CDK15: variants seen among roughly 807,000 people sequenced by gnomAD.
CDK15 encodes cyclin dependent kinase 15.
In CDK15, 62 loss-of-function variants were observed where a neutral mutation model predicts 60.3. The observed-to-expected ratio is 1.03, with a 90% confidence interval of 0.84 to 1.27. The LOEUF is 1.27. Among genes scored for constraint, CDK15 ranks in the 50% most tolerant of loss-of-function variants. CDK15 has a pLI of 0.00. For synonymous variants in CDK15, 194 were observed against 195.7 expected, an observed-to-expected ratio of 0.99 and a Z score of 0.07; for missense variants, 541 against 527.8, an observed-to-expected ratio of 1.03 and a Z score of -0.25.
At chr2:201,863,675 C>A (rs1698492102) in intron 10 of CDK15, among the ~76,000 whole-genome samples, 1 of 152,140 alleles carries the variant, frequency 6.6e-6, no homozygotes, top group African/African-American at 2.4e-5. Context: ...GCGGGTGGTT[C>A]ACTTGAGATC....
chr2:201,882,596 G>A lies in CDK15; in HGVS notation c.1198+2429G>A, dbSNP rs772056718. On this transcript the variant is annotated intron_variant, in intron 12 of 13. Coordinates refer to ENST00000652192, the MANE Select transcript of CDK15 (RefSeq NM_001366386.2). This position sits in a 1 kb window ranked among gnomAD's most constrained non-coding sequence, Gnocchi z 4.0. ...CCCCGAGGGAGAAGATGAAAGCGCCGGTGCCAAGAGACAGGGAAAGGCGGG... is the reference window on the plus strand; with the variant it reads ...CCCCGAGGGAGAAGATGAAAGCGCCAGTGCCAAGAGACAGGGAAAGGCGGG... 6.0e-5 allele frequency among the ~76,000 whole-genome samples: 9 copies of A among 150,950 alleles called. No homozygotes were observed. Among genetic ancestry groups the A allele is most frequent in the South Asian group, 4.2e-4 (2 of 4,738 alleles).
At chr2:201,862,320 T>A (rs747407383) in intron 10 of CDK15, among the ~76,000 whole-genome samples, 1 of 152,196 alleles carries the variant, frequency 6.6e-6, no homozygotes, top group Non-Finnish European at 1.5e-5. Flanking sequence ...CATGGTATAG[T>A]GGAAAGAGTG....
Position 201,890,643 on chromosome 2 carries a change from G to C in CDK15, c.1199-142G>C, listed in dbSNP as rs1025620878. Reference sequence around the variant, plus strand: ...GGATTCAGTAAAGTGAGTCATCTATGAGTCAGTATGAATTATTAGTAAATA... The same window carrying C: ...GGATTCAGTAAAGTGAGTCATCTATCAGTCAGTATGAATTATTAGTAAATA... On this transcript the variant is annotated intron_variant, in intron 12 of 13. Transcript: ENST00000652192. The C allele has an allele frequency of 3.2e-5, 19 of 590,868 alleles. No homozygotes were observed. The African/African-American group carries it at 3.5e-4, about 11-fold the overall frequency. The allele number at this position is 590,868 out of a possible 1,614,324, so 36.6% of individuals were successfully genotyped here.
At chr2:201,851,416 G>T (rs1029270880) in intron 9 of CDK15, among the ~76,000 whole-genome samples, 1 of 151,794 alleles carries the variant, frequency 6.6e-6, no homozygotes, top group African/African-American at 2.4e-5. Context: ...CCAAGTTAGT[G>T]CCTTGTCGCT....
intron 5 of CDK15, among the ~76,000 whole-genome samples, chr2:201,823,169 G>A (rs937474896): frequency 6.6e-6 from 1 of 151,894 alleles, no homozygotes; most frequent in Admixed American, 6.6e-5. Context: ...TAAAACTTTT[G>A]CACTTATTTT....
intron 10 of CDK15, among the ~76,000 whole-genome samples, chr2:201,865,889 C>CAAAAAAAAAAAAAA (rs1262940691): frequency 4.0e-5 from 1 of 24,830 alleles, no homozygotes; most frequent in African/African-American, 1.3e-4. Context: ...GATTCCATCT[C>CAAAAAAAAAAAAAA]AACAAAAAAA....
Position 201,881,898 on chromosome 2 carries a change from C to T in CDK15, c.1198+1731C>T, listed in dbSNP as rs1054772552. ...GTGTACACGCTTGGATGTACATACACACGCACACACACACACACTCCCTTC... is the reference window on the plus strand; with the variant it reads ...GTGTACACGCTTGGATGTACATACATACGCACACACACACACACTCCCTTC... On this transcript the variant is annotated intron_variant, in intron 12 of 13. Transcript: ENST00000652192. Among the ~76,000 whole-genome samples the T allele has an allele frequency of 7.9e-5, 12 of 152,258 alleles. No individual in the cohort carries two copies. In the South Asian group the frequency reaches 2.5e-3, roughly 32 times the overall value.
rs533911769 is a variant in CDK15, at chr2:201,888,714, G to GTC, written c.1199-2058_1199-2057dup. ...TTCCCAGCATGTTCTGCCAGATAGT[G>GTC]TCTCTCTCTCTCTCCCTCCCTCCCT... On this transcript the variant is annotated intron_variant, in intron 12 of 13. Coordinates refer to ENST00000652192, the MANE Select transcript of CDK15 (RefSeq NM_001366386.2). The GTC allele has an allele frequency of 2.3e-4, 290 of 1,265,220 alleles. 1 individual carries two copies. In the South Asian group the frequency reaches 3.6e-3, roughly 16 times the overall value. The allele number at this position is 1,265,220 out of a possible 1,614,324, so 78.4% of individuals were successfully genotyped here.
chr2:201,831,145 G>A (rs966046297), intron 6 of CDK15, among the ~76,000 whole-genome samples: 10 of 152,172 alleles, frequency 6.6e-5, no homozygotes, highest in Non-Finnish European at 1.3e-4. Flanking sequence ...ATTTTGAGTT[G>A]TGACCAAGGA....
intron 8 of CDK15, among the ~76,000 whole-genome samples, chr2:201,836,484 TCTTG>T (rs1697094727): frequency 6.6e-6 from 1 of 151,750 alleles, no homozygotes; most frequent in Admixed American, 6.6e-5. Context: ...GAGATTGGGG[TCTTG>T]CTATATTGTC....
chr2:201,849,764 A>G (rs1697823858), intron 9 of CDK15, among the ~76,000 whole-genome samples: 1 of 152,180 alleles, frequency 6.6e-6, no homozygotes, highest in African/African-American at 2.4e-5. Flanking sequence ...ATTTGAAAAG[A>G]ATATAAGTAT....
At chr2:201,870,886 TCTTACATAGAAGAAGCC>T (rs1698829226) in intron 10 of CDK15, among the ~76,000 whole-genome samples, 1 of 152,334 alleles carries the variant, frequency 6.6e-6, no homozygotes, top group African/African-American at 2.4e-5. Flanking sequence ...CTGCAGCTCC[TCTTACATAGAAGAAGCC>T]CTTACATAGA....
chr2:201,836,058 T>TA lies in CDK15; in HGVS notation c.851+295_851+296insA, dbSNP rs1553523956. On this transcript the variant is annotated intron_variant, in intron 8 of 13. Transcript: ENST00000652192. ...TATTTTATATATATTTATATATATATTATATATATTTATATTTATATATAT... is the reference window on the plus strand; with the variant it reads ...TATTTTATATATATTTATATATATATATATATATATTTATATTTATATATAT... 6.2e-5 allele frequency among the ~76,000 whole-genome samples: 6 copies of TA among 96,004 alleles called. 1 individual carries two copies. Among genetic ancestry groups the TA allele is most frequent in the South Asian group, 6.0e-4 (2 of 3,318 alleles). The allele number at this position is 96,004 out of a possible 152,430, so 63.0% of individuals were successfully genotyped here.
rs1250795141 is a variant in CDK15, at chr2:201,833,873, G to C, written c.632G>C (p.Gly211Ala). The change falls in exon 7 of 14, where the codon GGC becomes GCC. Residue 211 changes from glycine to alanine, a missense_variant. By Grantham distance (60) the Gly-to-Ala change is moderately conservative. Transcript: ENST00000652192. ...VRLFMFQLLRGLAYIHHQHVL... is the reference protein window; with the variant it reads ...VRLFMFQLLRALAYIHHQHVL... ...CTTTTCATGTTTCAACTTTTGCGGG[G>C]CCTGGCGTACATCCACCACCAACAC... 1 of 1,613,576 alleles carries C rather than the reference G, an allele frequency of 6.2e-7. No homozygotes were observed. Among genetic ancestry groups the C allele is most frequent in the Non-Finnish European group, 8.5e-7 (1 of 1,179,854 alleles).
intron 10 of CDK15, among the ~76,000 whole-genome samples, chr2:201,860,552 A>G (rs1698346064): frequency 6.6e-6 from 1 of 152,198 alleles, no homozygotes; most frequent in Non-Finnish European, 1.5e-5. Context: ...TATCCTGGTT[A>G]TTTTAGTCCT....
intron 10 of CDK15, among the ~76,000 whole-genome samples, chr2:201,865,740 A>G (rs557517185): frequency 6.6e-6 from 1 of 152,058 alleles, no homozygotes; most frequent in East Asian, 1.9e-4. Flanking sequence ...AAATACAAAA[A>G]TTAGCCAGGT....
chr2:201,859,709 C>T (rs1326450762), intron 10 of CDK15, among the ~76,000 whole-genome samples: 1 of 152,162 alleles, frequency 6.6e-6, no homozygotes, highest in Non-Finnish European at 1.5e-5. Context: ...CTAAACTAAG[C>T]ATCTGAAGGG....
At chr2:201,850,093 G>T (rs932587488) in intron 9 of CDK15, among the ~76,000 whole-genome samples, 10 of 152,174 alleles carry the variant, frequency 6.6e-5, no homozygotes, top group Non-Finnish European at 1.3e-4. Context: ...AAAGTGGTGG[G>T]ATTACAGGCG....
intron 1 of CDK15, among the ~76,000 whole-genome samples, chr2:201,807,233 C>G (rs1288205920): frequency 6.6e-6 from 1 of 151,352 alleles, no homozygotes; most frequent in Non-Finnish European, 1.5e-5. Context: ...AAAAAAGTTG[C>G]AAAACATCCA....
Sources: gnomAD v4.1 joint callset for allele counts (sites outside exome capture counted in the v4.1 genomes callset) on GRCh38, gnomAD v4.1.1 for gene constraint, Gnocchi (gnomAD v3.1) non-coding constraint, MANE v1.5 for transcripts, NCBI Gene and HGNC (gene_info 2026-07-23, HGNC 2026-07-21) for gene names.